Variants in TMEM232 observed in about 807,000 individuals in gnomAD.
TMEM232 encodes transmembrane protein 232.
In TMEM232, 80 loss-of-function variants were observed where a neutral mutation model predicts 78.8. The observed-to-expected ratio is 1.01, with a 90% CI of 0.85 to 1.22. TMEM232 has a LOEUF of 1.22. TMEM232 is among the 50% of genes most tolerant of loss of function. TMEM232 has a pLI of 0.00. For missense variants in TMEM232, 881 were observed against 742.2 expected (o/e 1.19, Z -2.17); for synonymous variants, 297 against 254.3 (o/e 1.17, Z -1.60).
chr5:110,527,828 A>T (rs1770819100), intron 12 of TMEM232, among the ~76,000 whole-genome samples: 1 of 152,042 alleles, frequency 6.6e-6, no homozygotes, highest in African/African-American at 2.4e-5. Flanking sequence ...ATTACTAGAA[A>T]AAATATAACA....
intron 13 of TMEM232, 103 bp from the exon 14 acceptor site, chr5:110,420,859 G>GT (rs887982203): frequency 1.7e-4 from 245 of 1,410,504 alleles, no homozygotes; most frequent in Non-Finnish European, 2.1e-4. Flanking sequence ...ATCCTTTCAG[G>GT]TTTTTTCCAT....
intron 2 of TMEM232, among the ~76,000 whole-genome samples, chr5:110,400,362 A>G (rs1321449916): frequency 1.3e-5 from 2 of 152,154 alleles, no homozygotes; most frequent in South Asian, 2.1e-4. Context: ...TACAATTTAA[A>G]TAACATAATG....
At chr5:110,530,219 T>G (rs1554100600) in intron 11 of TMEM232, among the ~76,000 whole-genome samples, 2 of 152,096 alleles carry the variant, frequency 1.3e-5, no homozygotes, top group Non-Finnish European at 2.9e-5. Context: ...CGAAAAACAG[T>G]TAAAGTAATG....
At chr5:110,684,799 T>TC (rs1004926108) in intron 1 of TMEM232, 7 of 152,132 alleles carry the variant, frequency 4.6e-5, no homozygotes, top group Admixed American at 2.0e-4. Flanking sequence ...TTTTTCTATG[T>TC]CCCCCCTATT....
At chr5:110,638,165 T>C in intron 5 of TMEM232, 33 bp downstream of exon 5, 3 of 1,488,564 alleles carry the variant, frequency 2.0e-6, no homozygotes, top group Non-Finnish European at 2.7e-6. Flanking sequence ...ATGTGAAATA[T>C]TTAAAAACAT....
chr5:110,699,384 T>A (rs1246263872), intron 1 of TMEM232, among the ~76,000 whole-genome samples: 1 of 152,076 alleles, frequency 6.6e-6, no homozygotes, highest in Non-Finnish European at 1.5e-5. Context: ...CCAGCTGGAT[T>A]TATGACTAAA....
intron 12 of TMEM232, among the ~76,000 whole-genome samples, chr5:110,506,925 C>G (rs1489130687): frequency 1.3e-5 from 2 of 152,032 alleles, no homozygotes; most frequent in Non-Finnish European, 1.5e-5. Context: ...GTCTTCCAGC[C>G]AAATTACCAC....
At chr5:110,489,205 G>A (rs189230236) in intron 12 of TMEM232, among the ~76,000 whole-genome samples, 20 of 151,522 alleles carry the variant, frequency 1.3e-4, no homozygotes, top group African/African-American at 3.6e-4. Context: ...ACCAAAGCCA[G>A]GTAAATAACT....
chr5:110,591,592 C>T (rs940052368), intron 10 of TMEM232, among the ~76,000 whole-genome samples: 4 of 152,096 alleles, frequency 2.6e-5, no homozygotes, highest in Non-Finnish European at 4.4e-5. Flanking sequence ...ATATGCCAAG[C>T]GTCTGTATGT....
At chr5:110,564,856 A>G (rs1384494377) in intron 11 of TMEM232, among the ~76,000 whole-genome samples, 2 of 151,884 alleles carry the variant, frequency 1.3e-5, no homozygotes, top group Admixed American at 6.6e-5. Flanking sequence ...TCCCCCACCT[A>G]TTTTGGAAAC....
At chr5:110,729,214 A>T (rs1798441446), upstream of TMEM232, among the ~76,000 whole-genome samples, 1 of 151,958 alleles carries the variant, frequency 6.6e-6, no homozygotes, top group Non-Finnish European at 1.5e-5. Context: ...AACTTTTTCC[A>T]CTGCTATGTA....
chr5:110,728,949 A>T (rs1324572543), upstream of TMEM232, among the ~76,000 whole-genome samples: 3 of 150,750 alleles, frequency 2.0e-5, no homozygotes, highest in Admixed American at 1.3e-4. Context: ...CAATGGAGCG[A>T]TCTCAGCTCA....
intron 2 of TMEM232, among the ~76,000 whole-genome samples, chr5:110,404,119 C>T (rs559156484): frequency 6.6e-6 from 1 of 151,992 alleles, no homozygotes; most frequent in Admixed American, 6.6e-5. Flanking sequence ...ATTTTTATTT[C>T]AAAATGAAAT....
intron 12 of TMEM232, among the ~76,000 whole-genome samples, chr5:110,509,845 C>T (rs1767509548): frequency 6.6e-6 from 1 of 152,016 alleles, no homozygotes; most frequent in Admixed American, 6.6e-5. Flanking sequence ...TTTAGGAAAG[C>T]CTTTATCTGT....
chr5:110,487,828 G>C (rs1046202269), intron 12 of TMEM232, among the ~76,000 whole-genome samples: 9 of 152,106 alleles, frequency 5.9e-5, no homozygotes, highest in African/African-American at 2.2e-4. Flanking sequence ...GAATGAATTA[G>C]GGAGGGTTCC....
chr5:110,681,613 T>G (rs2150183442), intron 1 of TMEM232, among the ~76,000 whole-genome samples: 1 of 152,336 alleles, frequency 6.6e-6, no homozygotes, highest in Non-Finnish European at 1.5e-5. Context: ...TATTCATTGT[T>G]GGACCTAAAT....
intron 2 of TMEM232, among the ~76,000 whole-genome samples, chr5:110,658,786 G>A (rs1480345790): frequency 2.0e-5 from 3 of 152,124 alleles, no homozygotes; most frequent in Non-Finnish European, 4.4e-5. Context: ...AACTACCAAA[G>A]ATGGACAAAT....
intron 12 of TMEM232, among the ~76,000 whole-genome samples, chr5:110,425,601 C>T (rs1189015849): frequency 6.6e-6 from 1 of 151,936 alleles, no homozygotes; most frequent in Non-Finnish European, 1.5e-5. Context: ...TCTGCCTTTC[C>T]CATTCCAGTG....
intron 12 of TMEM232, among the ~76,000 whole-genome samples, chr5:110,428,034 G>C (rs753263166): frequency 1.3e-5 from 2 of 151,700 alleles, no homozygotes; most frequent in Non-Finnish European, 2.9e-5. Flanking sequence ...GTACAATTAA[G>C]TTATTGTTAA....
Sources: gnomAD v4.1 joint callset for allele counts (sites outside exome capture counted in the v4.1 genomes callset) on GRCh38, gnomAD v4.1.1 for gene constraint, MANE v1.5 for transcripts, NCBI Gene and HGNC (gene_info 2026-07-23, HGNC 2026-07-21) for gene names.